TENM4: variants seen among roughly 807,000 people sequenced by gnomAD.
TENM4 encodes teneurin-4.
In TENM4, 82 loss-of-function variants were observed where a neutral mutation model predicts 243.3. That is an observed-to-expected ratio of 0.34 (90% confidence interval 0.28 to 0.40). TENM4 has a LOEUF of 0.40. Ranked by LOEUF, TENM4 falls within the 10% of genes least tolerant of loss-of-function variation. The probability of loss-of-function intolerance (pLI) is 1.00; values close to 1 mark genes in which losing one functional copy is unlikely to be tolerated. For synonymous variants in TENM4, 1,412 were observed against 1,456.3 expected (o/e 0.97, Z 0.69); for missense variants, 3,138 against 3,673.3 (o/e 0.85, Z 3.77).
chr11:79,086,792 C>T (rs1490780561), intron 4 of TENM4, among the ~76,000 whole-genome samples: 3 of 142,032 alleles, frequency 2.1e-5, no homozygotes, highest in Non-Finnish European at 4.5e-5. Flanking sequence ...CAGGATCATT[C>T]CATTGCACTC....
intron 12 of TENM4, among the ~76,000 whole-genome samples, chr11:78,824,953 T>C (rs2136131304): frequency 6.6e-6 from 1 of 152,376 alleles, no homozygotes; most frequent in Non-Finnish European, 1.5e-5. Context: ...GTATCTATTT[T>C]GGCTTTGTTA....
At chr11:78,979,204 G>A (rs1857734993) in intron 6 of TENM4, among the ~76,000 whole-genome samples, 1 of 152,096 alleles carries the variant, frequency 6.6e-6, no homozygotes, top group Non-Finnish European at 1.5e-5. Context: ...ATCCCTCTGG[G>A]GTGTCCTGCC....
rs184745975 is a variant in TENM4 at position 78,948,785 on chromosome 11, A to T, written c.494-45262T>A. On this transcript the variant is annotated intron_variant, in intron 6 of 33. Transcript: ENST00000278550. Reference sequence around the variant, plus strand: ...ATCTACCAGAGCCTCCTACCCACCCAAATACTCATCAGTCCTTTTGTTCAT... The same window carrying T: ...ATCTACCAGAGCCTCCTACCCACCCTAATACTCATCAGTCCTTTTGTTCAT... Among the ~76,000 whole-genome samples the T allele has an allele frequency of 2.4e-3, 362 of 152,302 alleles. 1 individual carries two copies. The highest frequency in any genetic ancestry group is 8.6e-3 in the African/African-American group (356 of 41,574).
intron 1 of TENM4, among the ~76,000 whole-genome samples, chr11:79,439,846 C>T (rs912705522): frequency 6.6e-6 from 1 of 152,156 alleles, no homozygotes; most frequent in Non-Finnish European, 1.5e-5. Context: ...ACACTCACAC[C>T]CGGGAGCCCT....
chr11:79,178,641 C>G (rs1315382845), intron 3 of TENM4, among the ~76,000 whole-genome samples: 2 of 152,174 alleles, frequency 1.3e-5, no homozygotes. Context: ...ACATGCAGGT[C>G]CTGGGGCCCT....
intron 2 of TENM4, among the ~76,000 whole-genome samples, chr11:79,219,283 C>T (rs1255415544): frequency 1.3e-5 from 2 of 152,164 alleles, no homozygotes; most frequent in African/African-American, 4.8e-5. Context: ...ACATCACACC[C>T]AACAAGAGAT....
At chr11:79,175,691 A>G (rs1350055522) in intron 3 of TENM4, among the ~76,000 whole-genome samples, 1 of 152,258 alleles carries the variant, frequency 6.6e-6, no homozygotes, top group African/African-American at 2.4e-5. Context: ...GTATGGTAAT[A>G]GCTACTTTTA....
At chr11:79,063,042 G>T (rs1860141448) in intron 6 of TENM4, among the ~76,000 whole-genome samples, 1 of 152,228 alleles carries the variant, frequency 6.6e-6, no homozygotes, top group African/African-American at 2.4e-5. Flanking sequence ...CAGTACCCAA[G>T]CAATTGCCAC....
intron 1 of TENM4, among the ~76,000 whole-genome samples, chr11:79,352,895 G>A (rs1857438585): frequency 6.6e-6 from 1 of 152,146 alleles, no homozygotes; most frequent in Non-Finnish European, 1.5e-5. Flanking sequence ...TAAAAAGGCA[G>A]TGTGAGGGAA....
At chr11:78,903,149 C>T (rs1855969332) in intron 7 of TENM4, 119 bp downstream of exon 7, 4 of 1,361,070 alleles carry the variant, frequency 2.9e-6, no homozygotes, top group Non-Finnish European at 3.8e-6. Flanking sequence ...GTGCACCCAA[C>T]CCCAGCTCCT....
At position 79,139,192 on chromosome 11, in the gene TENM4, T is replaced by C. The variant is rs1459205469; in HGVS notation, c.-66+9518A>G. Among the ~76,000 whole-genome samples the C allele has an allele frequency of 8.1e-5, 5 of 61,586 alleles. No individual in the cohort carries two copies. In the South Asian group the frequency reaches 4.6e-3, roughly 56 times the overall value. 40.4% of individuals were successfully genotyped at this position (61,586 alleles called of 152,430 possible). On this transcript the variant is annotated intron_variant, in intron 4 of 33. Transcript: ENST00000278550. ...TTCTATAAATATATAAAATATATAT[T>C]ATATTTCTATAAATATATAAAATAT...
chr11:79,257,568 G>C (rs1173308258), intron 2 of TENM4, among the ~76,000 whole-genome samples: 1 of 152,146 alleles, frequency 6.6e-6, no homozygotes, highest in Non-Finnish European at 1.5e-5. Context: ...GTGGAGGGTG[G>C]AGGGGCCCAC....
chr11:78,945,416 G>T (rs1204480877), intron 6 of TENM4, among the ~76,000 whole-genome samples: 4 of 152,162 alleles, frequency 2.6e-5, no homozygotes, highest in African/African-American at 7.2e-5. Context: ...TAGTGATAAA[G>T]GTTTGTGTTC....
At chr11:79,408,845 G>A (rs976823911) in intron 1 of TENM4, among the ~76,000 whole-genome samples, 10 of 152,192 alleles carry the variant, frequency 6.6e-5, no homozygotes, top group African/African-American at 2.4e-4. Context: ...GCACCCATCA[G>A]GTGGTACAGA....
intron 2 of TENM4, among the ~76,000 whole-genome samples, chr11:79,257,717 A>C (rs994737686): frequency 2.6e-5 from 4 of 152,240 alleles, no homozygotes; most frequent in African/African-American, 9.6e-5. Flanking sequence ...ACAGGCTATC[A>C]GAGCAGGTCA....
intron 6 of TENM4, among the ~76,000 whole-genome samples, chr11:79,027,634 C>T (rs1317987450): frequency 6.6e-6 from 1 of 152,188 alleles, no homozygotes; most frequent in East Asian, 1.9e-4. Context: ...CAGTCTTGTT[C>T]AACACAGTCA....
intron 1 of TENM4, among the ~76,000 whole-genome samples, chr11:79,334,961 G>A (rs1242130010): frequency 2.0e-5 from 3 of 152,154 alleles, no homozygotes; most frequent in East Asian, 3.8e-4. Flanking sequence ...TCCAACAAAT[G>A]TGTTATTCTT....
At chr11:79,338,775 C>T (rs1002700316) in intron 1 of TENM4, among the ~76,000 whole-genome samples, 10 of 152,178 alleles carry the variant, frequency 6.6e-5, no homozygotes, top group Admixed American at 6.5e-4. Flanking sequence ...TTGGCTGGAC[C>T]TAGGTTCAAA....
intron 4 of TENM4, among the ~76,000 whole-genome samples, chr11:79,137,267 G>T (rs920588757): frequency 2.0e-5 from 3 of 152,158 alleles, no homozygotes; most frequent in Non-Finnish European, 4.4e-5. Context: ...GGGAGTTACA[G>T]TGTTGGCTGG....
Sources: gnomAD v4.1 joint callset for allele counts (sites outside exome capture counted in the v4.1 genomes callset) on GRCh38, gnomAD v4.1.1 for gene constraint, MANE v1.5 for transcripts, NCBI Gene and HGNC (gene_info 2026-07-23, HGNC 2026-07-21) for gene names.